DBT: variants seen among roughly 807,000 people sequenced by gnomAD.
DBT encodes dihydrolipoamide branched chain transacylase E2.
Under a neutral mutation model 51.3 loss-of-function variants are expected in DBT, and 40 were observed. The observed-to-expected ratio is 0.78, with a 90% CI of 0.61 to 1.02. The LOEUF (loss-of-function observed/expected upper bound fraction) is 1.02, where lower values mean the gene tolerates loss of function less well. Ranked by LOEUF, DBT falls within the 50% of genes least tolerant of loss-of-function variation. DBT has a pLI of 0.00. For missense variants in DBT, 510 were observed against 580.2 expected (o/e 0.88, Z 1.24); for synonymous variants, 181 against 190.4 (o/e 0.95, Z 0.41).
At chr1:100,226,799 A>G (rs957515584) in intron 4 of DBT, among the ~76,000 whole-genome samples, 1 of 152,200 alleles carries the variant, frequency 6.6e-6, no homozygotes, top group Non-Finnish European at 1.5e-5. Flanking sequence ...TTAACAGGAC[A>G]ATGTTAATAG....
intron 10 of DBT, among the ~76,000 whole-genome samples, chr1:100,205,672 T>G (rs1409103423): frequency 6.6e-6 from 1 of 152,240 alleles, no homozygotes; most frequent in East Asian, 1.9e-4. Flanking sequence ...GCAGCACTAT[T>G]CACAATAGCA....
Position 100,195,944 on chromosome 1 carries a change from C to T in DBT, c.*311G>A, listed in dbSNP as rs537180089. 1.7e-4 allele frequency: 63 copies of T among 364,982 alleles called. No individual in the cohort carries two copies. Among genetic ancestry groups the T allele is most frequent in the South Asian group, 1.5e-3 (59 of 40,646 alleles). The allele number at this position is 364,982 out of a possible 1,614,324, so 22.6% of individuals were successfully genotyped here. The stretch of plus-strand genomic sequence containing the variant: ...CCTCCCAAAGTGCTGGGATTACAGG[C>T]GTGAGCCACCATGCCCGGCCTAATT... On this transcript the variant is annotated 3_prime_UTR_variant, in exon 11 of 11. Transcript: ENST00000370132.
Position 100,249,810 on chromosome 1 carries a change from ACTGC to A in DBT, c.7_10del (p.Ala3SerfsTer4), listed in dbSNP as rs773362601. On this transcript the variant is annotated frameshift_variant, in exon 1 of 11. Transcript: ENST00000370132. LOFTEE classifies it high-confidence loss of function. The stretch of plus-strand genomic sequence containing the variant: ...CCTGCTCCAGGTTCTCAGCATACGG[ACTGC>A]AGCCATCTTACCCCGGAAATGACAA... 2 of 1,614,194 alleles carry A rather than the reference ACTGC, an allele frequency of 1.2e-6. No homozygotes were observed. The highest frequency in any genetic ancestry group is 1.1e-5 in the South Asian group (1 of 91,090).
At chr1:100,241,380 G>A (rs1382107012) in intron 1 of DBT, among the ~76,000 whole-genome samples, 2 of 150,970 alleles carry the variant, frequency 1.3e-5, no homozygotes, top group Non-Finnish European at 3.0e-5. Flanking sequence ...GTGTGTGTGT[G>A]TGTGTGTGTG....
intron 7 of DBT, 130 bp from the exon 8 acceptor site, chr1:100,210,901 A>G: frequency 1.9e-6 from 3 of 1,541,666 alleles, no homozygotes; most frequent in Non-Finnish European, 2.6e-6. Context: ...TTTCAAGTCT[A>G]CATGTACCTA....
chr1:100,213,160 T>A, intron 7 of DBT: 1 of 430,530 alleles, frequency 2.3e-6, no homozygotes, highest in Non-Finnish European at 3.9e-6. Flanking sequence ...GAGACAGTAA[T>A]ATTTACATGT....
In DBT at chr1:100,210,723, C is replaced by A; in HGVS notation, c.988G>T (p.Asp330Tyr). Residue 330 changes from aspartate (D) to tyrosine (Y), a missense_variant, in exon 8 of 11, where the codon GAT becomes TAT. By Grantham distance (160) the Asp-to-Tyr change is radical. Transcript: ENST00000370132. ...LQFPILNASV[D>Y]ENCQNITYKA... ...TATGTTATATTCTGGCAGTTTTCAT[C>A]CACAGAAGCGTTAAGGATAGGAAAC... 1 of 1,613,296 alleles carries A rather than the reference C, an allele frequency of 6.2e-7. No individual in the cohort carries two copies. Among genetic ancestry groups the A allele is most frequent in the Non-Finnish European group, 8.5e-7 (1 of 1,179,372 alleles).
rs1661038921 is a variant in DBT at position 100,195,551 on chromosome 1, T to C, written c.*704A>G. Reference sequence around the variant, plus strand: ...TAATAACGGAAATGGAAAATATTTTTGTATATAAATTCCATTTCTTAATTA... The same window carrying C: ...TAATAACGGAAATGGAAAATATTTTCGTATATAAATTCCATTTCTTAATTA... On this transcript the variant is annotated 3_prime_UTR_variant, in exon 11 of 11. Coordinates refer to ENST00000370132, the MANE Select transcript of DBT (RefSeq NM_001918.5). 6.6e-6 allele frequency: 1 copy of C among 152,284 alleles called. No individual in the cohort carries two copies. Among genetic ancestry groups the C allele is most frequent in the Non-Finnish European group, 1.5e-5 (1 of 68,080 alleles). The allele number at this position is 152,284 out of a possible 1,614,324, so 9.4% of individuals were successfully genotyped here.
chr1:100,224,252 TA>T (rs1317413584), intron 4 of DBT, among the ~76,000 whole-genome samples: 1 of 152,218 alleles, frequency 6.6e-6, no homozygotes, highest in African/African-American at 2.4e-5. Context: ...GTTCGTCTTT[TA>T]TATAATTGGT....
At chr1:100,237,939 C>T (rs1020380363) in intron 2 of DBT, among the ~76,000 whole-genome samples, 1 of 152,142 alleles carries the variant, frequency 6.6e-6, no homozygotes, top group Non-Finnish European at 1.5e-5. Flanking sequence ...CTCTGCCCAG[C>T]ACAGAAGTAT....
At chr1:100,232,028 T>G (rs1244742525) in intron 3 of DBT, among the ~76,000 whole-genome samples, 1 of 152,186 alleles carries the variant, frequency 6.6e-6, no homozygotes, top group East Asian at 1.9e-4. Context: ...TTTATGATGG[T>G]GTAAAAGCAA....
At chr1:100,200,584 G>T (rs567822968) in intron 10 of DBT, among the ~76,000 whole-genome samples, 1 of 152,304 alleles carries the variant, frequency 6.6e-6, no homozygotes, top group Non-Finnish European at 1.5e-5. Context: ...CCTCAAGTGG[G>T]TCTCTGACCC....
At position 100,214,909 on chromosome 1, in the gene DBT, C is replaced by A; in HGVS notation, c.847G>T (p.Asp283Tyr). ...IPHFGYCDEI[D>Y]LTELVKLREE... Reference sequence around the variant, plus strand: ...CGGAGCTTAACCAGTTCAGTAAGGTCAATCTCATCACAATAACCAAAATGA... The same window carrying A: ...CGGAGCTTAACCAGTTCAGTAAGGTAAATCTCATCACAATAACCAAAATGA... Residue 283 changes from aspartate to tyrosine, a missense_variant, in exon 7 of 11, where the codon GAC becomes TAC. Coordinates refer to ENST00000370132, the MANE Select transcript of DBT (RefSeq NM_001918.5). 6.2e-7 allele frequency: 1 copy of A among 1,613,190 alleles called. No individual in the cohort carries two copies. The highest frequency in any genetic ancestry group is 8.5e-7 in the Non-Finnish European group (1 of 1,179,178).
chr1:100,217,977 G>C (rs1299117717), intron 5 of DBT, among the ~76,000 whole-genome samples: 1 of 152,096 alleles, frequency 6.6e-6, no homozygotes, highest in Admixed American at 6.6e-5. Flanking sequence ...TCTTAAAATA[G>C]CTCCTTATCT....
At chr1:100,210,861 A>T (rs1241086778) in intron 7 of DBT, 90 bp from the exon 8 acceptor site, 1 of 1,581,452 alleles carries the variant, frequency 6.3e-7, no homozygotes, top group African/African-American at 1.3e-5. Flanking sequence ...AAGGAGGGAG[A>T]GAGAGAACTC....
In DBT at chr1:100,196,373, A is replaced by T; in HGVS notation, c.1331T>A (p.Met444Lys). 1 of 1,597,838 alleles carries T rather than the reference A, an allele frequency of 6.3e-7. No individual in the cohort carries two copies. Residue 444 changes from methionine to lysine, a missense_variant, in exon 11 of 11, where the codon ATG becomes AAG. Coordinates refer to ENST00000370132, the MANE Select transcript of DBT (RefSeq NM_001918.5). ...GTGATCAGCTGACCAGCTCACATTC[A>T]TTATCTGTGCCTTATATACTTCTCC... ...QKGEVYKAQI[M>K]NVSWSADHRV... is the part of the protein sequence containing the mutation.
intron 10 of DBT, among the ~76,000 whole-genome samples, chr1:100,205,584 G>A (rs1661706934): frequency 6.6e-6 from 1 of 152,154 alleles, no homozygotes; most frequent in Non-Finnish European, 1.5e-5. Context: ...ATTTGACCCA[G>A]CAATCCCATT....
chr1:100,202,939 G>T lies in DBT; in HGVS notation c.1281+3291C>A, dbSNP rs186518389. ...GAACACAGCTAAAGTATGTGTAGAG[G>T]GAAATTTATAGCACTATAAATTTCC... On this transcript the variant is annotated intron_variant, in intron 10 of 10. Coordinates refer to ENST00000370132, the MANE Select transcript of DBT (RefSeq NM_001918.5). 1.8e-3 allele frequency among the ~76,000 whole-genome samples: 277 copies of T among 152,124 alleles called. 1 individual carries two copies. The highest frequency in any genetic ancestry group is 3.3e-3 in the Non-Finnish European group (227 of 67,988).
chr1:100,221,224 G>A (rs1662840988), intron 4 of DBT, among the ~76,000 whole-genome samples: 1 of 152,116 alleles, frequency 6.6e-6, no homozygotes, highest in Non-Finnish European at 1.5e-5. Context: ...CTTGTGAGAA[G>A]TCACTCATAT....
Sources: allele counts gnomAD v4.1 joint callset (sites outside exome capture counted in the v4.1 genomes callset), GRCh38; gene constraint gnomAD v4.1.1; transcripts MANE v1.5; gene names NCBI Gene and HGNC (gene_info 2026-07-23, HGNC 2026-07-21).